The following LRP5 variants were observed in gnomAD, a reference collection of about 807,000 sequenced individuals.
LRP5 encodes low-density lipoprotein receptor-related protein 5.
Under a neutral mutation model 154.1 loss-of-function variants are expected in LRP5, and 62 were observed. That is an observed-to-expected ratio of 0.40 (90% confidence interval 0.33 to 0.50). The LOEUF is 0.50. LRP5 is among the 20% of genes least tolerant of loss of function. LRP5 has a pLI of 0.55. For synonymous variants in LRP5, 966 were observed against 1,011.5 expected (o/e 0.96, Z 0.85); for missense variants, 1,915 against 2,336.7 (o/e 0.82, Z 3.72).
At chr11:68,370,677 G>A (rs1379166119) in intron 5 of LRP5, among the ~76,000 whole-genome samples, 1 of 152,230 alleles carries the variant, frequency 6.6e-6, no homozygotes, top group Admixed American at 6.5e-5. Flanking sequence ...TGTGGGAACT[G>A]TTTTTGCCCT....
At chr11:68,425,028 G>C (rs2098667884) in intron 14 of LRP5, 74 bp from the exon 15 acceptor site, 1 of 1,375,400 alleles carries the variant, frequency 7.3e-7, no homozygotes, top group Non-Finnish European at 1.0e-6. Flanking sequence ...CAGCCCAGCT[G>C]GGTGCCCTGG....
chr11:68,348,606 G>T (rs569512818), intron 2 of LRP5, among the ~76,000 whole-genome samples: 71 of 149,508 alleles, frequency 4.7e-4, no homozygotes, highest in Non-Finnish European at 2.4e-4. Context: ...ATGAACCCGT[G>T]GGGGGGTTGG....
intron 19 of LRP5, 97 bp downstream of exon 19, chr11:68,437,096 G>GAAA: frequency 2.9e-6 from 3 of 1,028,204 alleles, no homozygotes; most frequent in Non-Finnish European, 4.5e-6. Flanking sequence ...AGCGGGGCTG[G>GAAA]GGGCTGTGTG....
intron 2 of LRP5, among the ~76,000 whole-genome samples, chr11:68,349,130 T>A (rs1218486823): frequency 1.3e-5 from 2 of 150,618 alleles, no homozygotes; most frequent in Non-Finnish European, 3.0e-5. Flanking sequence ...CCTCCCGGGT[T>A]CAAGTGATTC....
intron 7 of LRP5, among the ~76,000 whole-genome samples, chr11:68,391,476 C>T (rs2098646295): frequency 6.6e-6 from 1 of 152,244 alleles, no homozygotes; most frequent in South Asian, 2.1e-4. Context: ...CTCCTCAGGG[C>T]TCCCAGGGGA....
rs73513023 is a variant in LRP5, at chr11:68,350,893, T to C, written c.488+2650T>C. 3.8e-3 allele frequency among the ~76,000 whole-genome samples: 558 copies of C among 147,714 alleles called. 5 individuals carry two copies. Among genetic ancestry groups the C allele is most frequent in the African/African-American group, 0.013 (497 of 38,996 alleles). On this transcript the variant is annotated intron_variant, in intron 2 of 22. Transcript: ENST00000294304. The stretch of plus-strand genomic sequence containing the variant: ...GTGTGGGAGTGGGAGGATGTGAGCG[T>C]GTGTGTGTGTGTGTGCGTGTGCACG...
At chr11:68,399,585 GC>G (rs1425307322) in intron 7 of LRP5, among the ~76,000 whole-genome samples, 26 of 152,156 alleles carry the variant, frequency 1.7e-4, no homozygotes, top group Admixed American at 3.3e-4. Context: ...CCTAAATTTG[GC>G]CCCTGTTATT....
chr11:68,374,216 G>T (rs371983231), intron 5 of LRP5, among the ~76,000 whole-genome samples: 9 of 152,208 alleles, frequency 5.9e-5, no homozygotes, highest in Admixed American at 5.9e-4. Context: ...AGCCCCTCAC[G>T]TCCCTCCGTC....
intron 1 of LRP5, among the ~76,000 whole-genome samples, chr11:68,334,441 C>T (rs956122831): frequency 2.0e-5 from 3 of 152,138 alleles, no homozygotes; most frequent in Non-Finnish European, 4.4e-5. Context: ...TGGATAGTAA[C>T]ACAAGCCAGG....
rs1591159923 is a variant in LRP5 at position 68,312,648 on chromosome 11, G to A, written c.-67G>A. The A allele has an allele frequency of 4.0e-6, 3 of 746,428 alleles. No individual in the cohort carries two copies. Among genetic ancestry groups the A allele is most frequent in the South Asian group, 1.1e-4 (2 of 17,504 alleles). 46.2% of individuals were successfully genotyped at this position (746,428 alleles called of 1,614,324 possible). A position where few individuals can be genotyped will look rare whatever the true frequency, so the allele number is the denominator to read the frequency against. ...GCGGAGGCGCCGGGAGCCGCGCGAG[G>A]AGCCGCCGCCGCCGCGCCATGGAGC... On this transcript the variant is annotated 5_prime_UTR_variant, in exon 1 of 23. Coordinates refer to ENST00000294304, the MANE Select transcript of LRP5 (RefSeq NM_002335.4).
rs1312474286 is a variant in LRP5, at chr11:68,403,904, T to C, written c.1801+205T>C. On this transcript the variant is annotated intron_variant, in intron 8 of 22. Transcript: ENST00000294304. ...AGGGAGTGGTTATGGACTAGGAATG[T>C]CGGTAACAATGGTTAGAAAGTGACT... 2.3e-5 allele frequency: 14 copies of C among 618,042 alleles called. No individual in the cohort carries two copies. The East Asian group carries it at 3.6e-4, about 16-fold the overall frequency. The allele number at this position is 618,042 out of a possible 1,614,324, so 38.3% of individuals were successfully genotyped here.
chr11:68,361,081 G>A (rs574760640), intron 3 of LRP5, among the ~76,000 whole-genome samples: 30 of 149,950 alleles, frequency 2.0e-4, no homozygotes, highest in African/African-American at 6.6e-4. Flanking sequence ...TGAGACGGGC[G>A]GATCACGAGG....
chr11:68,382,683 C>T (rs1371192201), intron 5 of LRP5, among the ~76,000 whole-genome samples: 2 of 152,086 alleles, frequency 1.3e-5, no homozygotes, highest in Non-Finnish European at 2.9e-5. Flanking sequence ...AAGTGAAAAA[C>T]GCACTTCCTG....
chr11:68,334,649 T>TG (rs1417184020), intron 1 of LRP5, among the ~76,000 whole-genome samples: 1 of 151,920 alleles, frequency 6.6e-6, no homozygotes, highest in Non-Finnish European at 1.5e-5. Flanking sequence ...CTGAGGTGGG[T>TG]GGATCACTTG....
intron 1 of LRP5, among the ~76,000 whole-genome samples, chr11:68,332,442 C>T (rs752830845): frequency 6.6e-6 from 1 of 152,234 alleles, no homozygotes; most frequent in Non-Finnish European, 1.5e-5. Flanking sequence ...GCACCAGGTT[C>T]CACTGGGTGG....
intron 7 of LRP5, among the ~76,000 whole-genome samples, chr11:68,391,106 T>G (rs1354054684): frequency 6.6e-6 from 1 of 152,156 alleles, no homozygotes; most frequent in Admixed American, 6.5e-5. Context: ...ATAGCTGGGA[T>G]TACAAGTGCC....
intron 2 of LRP5, among the ~76,000 whole-genome samples, chr11:68,354,767 G>GCCTTT (rs1477803054): frequency 6.6e-6 from 1 of 152,242 alleles, no homozygotes; most frequent in African/African-American, 2.4e-5. Flanking sequence ...GAACAGGCCA[G>GCCTTT]CCTTTCGGGG....
At position 68,386,693 on chromosome 11, in the gene LRP5, G is replaced by A. The variant is rs755886863; in HGVS notation, c.1393G>A (p.Ala465Thr). ...GGACCTGGACGAGCCCCGAGCCATCGCACTGCACCCCGTGATGGGGTAAGA... is the reference window on the plus strand; with the variant it reads ...GGACCTGGACGAGCCCCGAGCCATCACACTGCACCCCGTGATGGGGTAAGA... ...SEDLDEPRAI[A>T]LHPVMGLMYW... is the part of the protein sequence containing the mutation. The change falls in exon 6 of 23, where the codon GCA (alanine) becomes ACA (threonine). Residue 465 changes from alanine (A) to threonine (T), a missense_variant. Coordinates refer to ENST00000294304, the MANE Select transcript of LRP5 (RefSeq NM_002335.4). The surrounding 1 kb of genome is among the most constrained non-coding windows in gnomAD (Gnocchi z 7.9). 1.5e-5 allele frequency: 25 copies of A among 1,613,096 alleles called. No homozygotes were observed. Among genetic ancestry groups the A allele is most frequent in the East Asian group, 2.2e-5 (1 of 44,878 alleles).
At chr11:68,385,520 G>A (rs1392268138) in intron 5 of LRP5, among the ~76,000 whole-genome samples, 3 of 152,280 alleles carry the variant, frequency 2.0e-5, no homozygotes, top group Middle Eastern at 3.4e-3. Flanking sequence ...CCCCATCCAA[G>A]GAGCCAGGGC....
Sources: gnomAD v4.1 joint callset for allele counts (sites outside exome capture counted in the v4.1 genomes callset) on GRCh38, gnomAD v4.1.1 for gene constraint, Gnocchi (gnomAD v3.1) non-coding constraint, MANE v1.5 for transcripts, NCBI Gene and HGNC (gene_info 2026-07-23, HGNC 2026-07-21) for gene names.